SPIDR: variants seen among roughly 807,000 people sequenced by gnomAD.
SPIDR encodes DNA repair-scaffolding protein.
SPIDR carries 93 observed loss-of-function variants against 104.6 expected under a neutral mutation model. That is an observed-to-expected ratio of 0.89 (90% CI 0.75 to 1.06). The LOEUF (loss-of-function observed/expected upper bound fraction) is 1.06. Among genes scored for constraint, SPIDR ranks in the 50% least tolerant of loss-of-function variants. SPIDR has a pLI of 0.00. For synonymous variants in SPIDR, 431 were observed against 416.9 expected (o/e 1.03, Z -0.41); for missense variants, 1,154 against 1,111.2 (o/e 1.04, Z -0.55).
intron 3 of SPIDR, among the ~76,000 whole-genome samples, chr8:47,286,106 G>A (rs2038793672): frequency 6.6e-6 from 1 of 152,106 alleles, no homozygotes; most frequent in Non-Finnish European, 1.5e-5. Context: ...CATAACTAAT[G>A]ATTATCCTGT....
intron 1 of SPIDR, among the ~76,000 whole-genome samples, chr8:47,267,069 A>G (rs782632820): frequency 2.6e-5 from 4 of 152,170 alleles, no homozygotes; most frequent in African/African-American, 4.8e-5. Flanking sequence ...CTTCATTCCT[A>G]TTTATTTTGA....
At chr8:47,445,294 T>C (rs768570376) in intron 8 of SPIDR, among the ~76,000 whole-genome samples, 12 of 152,190 alleles carry the variant, frequency 7.9e-5, no homozygotes, top group Admixed American at 4.6e-4. Flanking sequence ...ATAATTATTA[T>C]CTATTATGGT....
At chr8:47,383,963 C>T (rs1554646840) in intron 5 of SPIDR, among the ~76,000 whole-genome samples, 1 of 152,098 alleles carries the variant, frequency 6.6e-6, no homozygotes. Context: ...TGAATACCAC[C>T]AGGTATTATT....
At chr8:47,543,003 T>A (rs766847322) in intron 8 of SPIDR, among the ~76,000 whole-genome samples, 2 of 152,252 alleles carry the variant, frequency 1.3e-5, no homozygotes, top group African/African-American at 2.4e-5. Context: ...TCATCCCAGT[T>A]GTTGCATGTA....
chr8:47,444,382 A>G (rs2070115436), intron 8 of SPIDR, among the ~76,000 whole-genome samples: 1 of 152,164 alleles, frequency 6.6e-6, no homozygotes, highest in Non-Finnish European at 1.5e-5. Context: ...ATTCATTCAG[A>G]AGTATTTATT....
At chr8:47,729,553 T>G in intron 19 of SPIDR, 88 bp downstream of exon 19, 1 of 1,453,146 alleles carries the variant, frequency 6.9e-7, no homozygotes, top group Non-Finnish European at 9.3e-7. Flanking sequence ...CACTCCCAAA[T>G]GTGTTCTATT....
chr8:47,418,728 C>T (rs1378029165), intron 7 of SPIDR, among the ~76,000 whole-genome samples: 1 of 152,116 alleles, frequency 6.6e-6, no homozygotes, highest in Non-Finnish European at 1.5e-5. Flanking sequence ...CAGTTTTTGC[C>T]CATTCAGCAC....
At chr8:47,677,811 C>G (rs1352278371) in intron 11 of SPIDR, among the ~76,000 whole-genome samples, 2 of 152,082 alleles carry the variant, frequency 1.3e-5, no homozygotes, top group African/African-American at 4.8e-5. Context: ...CTTGATCTAG[C>G]AGAAAGAAAA....
At position 47,293,877 on chromosome 8, in the gene SPIDR, G is replaced by A. The variant is rs1277169813; in HGVS notation, c.372G>A (p.Gln124=). The A allele has an allele frequency of 6.2e-7, 1 of 1,607,898 alleles. No homozygotes were observed. Among genetic ancestry groups the A allele is most frequent in the African/African-American group, 1.3e-5 (1 of 74,752 alleles). Reference sequence around the variant, plus strand: ...AATTATATTTTTTAGATGAATTACAGTTTATCGACTGGGAGATTGACAGTG... The same window carrying A: ...AATTATATTTTTTAGATGAATTACAATTTATCGACTGGGAGATTGACAGTG... The part of the protein sequence containing the change: ...TLSQLQRDEL[Q]FIDWEIDSDR... Residue 124 remains glutamine, a synonymous_variant, in exon 5 of 20, where the codon CAG becomes CAA. Coordinates refer to ENST00000297423, the MANE Select transcript of SPIDR (RefSeq NM_001080394.4).
At chr8:47,466,058 C>G (rs538276995) in intron 8 of SPIDR, among the ~76,000 whole-genome samples, 3 of 152,146 alleles carry the variant, frequency 2.0e-5, no homozygotes, top group Admixed American at 6.6e-5. Flanking sequence ...GACTTAAACT[C>G]CCACACAATA....
At chr8:47,350,821 C>T (rs1306946763) in intron 5 of SPIDR, among the ~76,000 whole-genome samples, 2 of 152,168 alleles carry the variant, frequency 1.3e-5, no homozygotes, top group African/African-American at 4.8e-5. Flanking sequence ...CCCCCTTTAT[C>T]CACAGTTTGG....
intron 10 of SPIDR, chr8:47,654,222 A>G (rs2072259745): frequency 7.9e-7 from 1 of 1,263,068 alleles, no homozygotes; most frequent in Non-Finnish European, 1.0e-6. Context: ...GGTTAGAAGA[A>G]AGGAAAGAAC....
In SPIDR at chr8:47,330,772, G is replaced by A. The variant is rs782446613; in HGVS notation, c.525+36742G>A. On this transcript the variant is annotated intron_variant, in intron 5 of 19. Coordinates refer to ENST00000297423, the MANE Select transcript of SPIDR (RefSeq NM_001080394.4). Reference sequence around the variant, plus strand: ...TCATCTACCAAGAGACATCTGGGTTGCTTCTAGGTTTTGGCAATTATGATT... The same window carrying A: ...TCATCTACCAAGAGACATCTGGGTTACTTCTAGGTTTTGGCAATTATGATT... The A allele has an allele frequency of 2.9e-5, 13 of 456,036 alleles. 1 individual carries two copies. The highest frequency in any genetic ancestry group is 2.0e-4 in the South Asian group (13 of 64,560). 28.2% of individuals were successfully genotyped at this position (456,036 alleles called of 1,614,324 possible).
intron 8 of SPIDR, among the ~76,000 whole-genome samples, chr8:47,564,123 G>A (rs1336684864): frequency 7.8e-6 from 1 of 128,766 alleles, no homozygotes; most frequent in Non-Finnish European, 1.5e-5. Flanking sequence ...TCTGTCACCA[G>A]GCTGGAGTGC....
intron 10 of SPIDR, chr8:47,654,135 A>C: frequency 2.3e-6 from 3 of 1,289,854 alleles, no homozygotes; most frequent in South Asian, 2.5e-5. Flanking sequence ...GATACTCCCA[A>C]AGTTCTCTGG....
chr8:47,522,028 G>A (rs372741593), intron 8 of SPIDR, among the ~76,000 whole-genome samples: 155 of 152,068 alleles, frequency 1.0e-3, no homozygotes, highest in South Asian at 6.7e-3. Context: ...GCCATGCATG[G>A]TGGCAGGTGC....
At chr8:47,544,476 A>G (rs1173900847) in intron 8 of SPIDR, among the ~76,000 whole-genome samples, 1 of 152,156 alleles carries the variant, frequency 6.6e-6, no homozygotes, top group Non-Finnish European at 1.5e-5. Context: ...CTCCTGTGTC[A>G]TTTTGTATTT....
chr8:47,453,980 C>T (rs912624541), intron 8 of SPIDR, among the ~76,000 whole-genome samples: 1 of 151,104 alleles, frequency 6.6e-6, no homozygotes, highest in Non-Finnish European at 1.5e-5. Context: ...CAGGAAACAA[C>T]AGGTGCTGGA....
At chr8:47,723,659 G>T (rs1240599489) in intron 16 of SPIDR, among the ~76,000 whole-genome samples, 1 of 152,054 alleles carries the variant, frequency 6.6e-6, no homozygotes, top group African/African-American at 2.4e-5. Context: ...TCGATCTCCT[G>T]ACCTCACGAT....
Sources: allele counts gnomAD v4.1 joint callset (sites outside exome capture counted in the v4.1 genomes callset), GRCh38; gene constraint gnomAD v4.1.1; transcripts MANE v1.5; gene names NCBI Gene and HGNC (gene_info 2026-07-23, HGNC 2026-07-21).